RAB11FIP5: variants seen among roughly 807,000 people sequenced by gnomAD.
The protein encoded by RAB11FIP5 is RAB11 family interacting protein 5, also known as rab11 family-interacting protein 5.
Under a neutral mutation model 85.1 loss-of-function variants are expected in RAB11FIP5, and 48 were observed. The ratio of observed to expected loss-of-function variants is 0.56; its 90% CI spans 0.45 to 0.72. The LOEUF is 0.72. Among genes scored for constraint, RAB11FIP5 ranks in the 30% least tolerant of loss-of-function variants. The pLI is 0.00. For missense variants in RAB11FIP5, 1,491 were observed against 1,687.0 expected, an observed-to-expected ratio of 0.88 and a Z score of 2.04; for synonymous variants, 729 against 727.3, an observed-to-expected ratio of 1.00 and a Z score of -0.04.
chr2:73,075,926 C>G lies in RAB11FIP5; in HGVS notation c.3771+67G>C. The G allele has an allele frequency of 6.4e-7, 1 of 1,552,434 alleles. No homozygotes were observed. On this transcript the variant is annotated intron_variant, in intron 5 of 5. Coordinates refer to ENST00000486777, the MANE Select transcript of RAB11FIP5 (RefSeq NM_001371272.1). This position sits in a 1 kb window ranked among gnomAD's most constrained non-coding sequence, Gnocchi z 4.6. Reference sequence around the variant, plus strand: ...GGCCTGCTCCCTGCCCCACCCTCACCAGGACCAAGCCCTGAGACTCCACCA... The same window carrying G: ...GGCCTGCTCCCTGCCCCACCCTCACGAGGACCAAGCCCTGAGACTCCACCA...
Position 73,080,081 on chromosome 2 carries a change from G to A in RAB11FIP5, c.3151C>T (p.Gln1051Ter). ...TTGGAGACCCACACATCAGCCTGCTGGGAGGTGGCTGACAAGGACCCAAGC... is the reference window on the plus strand; with the variant it reads ...TTGGAGACCCACACATCAGCCTGCTAGGAGGTGGCTGACAAGGACCCAAGC... ...EGLGSLSATS[Q>*]QADVWVSKED... Residue 1051 changes from glutamine to a stop codon, truncating the protein, a stop_gained, in exon 4 of 6, where the codon CAG becomes TAG. Coordinates refer to ENST00000486777, the MANE Select transcript of RAB11FIP5 (RefSeq NM_001371272.1). LOFTEE classifies it high-confidence loss of function. 1 of 1,232,238 alleles carries A rather than the reference G, an allele frequency of 8.1e-7. No homozygotes were observed. The highest frequency in any genetic ancestry group is 1.0e-6 in the Non-Finnish European group (1 of 988,028). 76.3% of individuals were successfully genotyped at this position (1,232,238 alleles called of 1,614,324 possible).
rs188354645 is a variant in RAB11FIP5 at position 73,083,417 on chromosome 2, G to A, written c.1569-1754C>T. The stretch of plus-strand genomic sequence containing the variant: ...CAGGTCCCAAACCCAGGGATTTCTC[G>A]TAAGAATCAGTTTCCCGAGAGTCTC... On this transcript the variant is annotated intron_variant, in intron 3 of 5. Transcript: ENST00000486777. 2.7e-3 allele frequency among the ~76,000 whole-genome samples: 405 copies of A among 152,272 alleles called. 4 individuals are homozygous for A. The highest frequency in any genetic ancestry group is 2.4e-3 in the African/African-American group (101 of 41,548).
At chr2:73,095,958 G>A (rs560776394) in intron 1 of RAB11FIP5, among the ~76,000 whole-genome samples, 268 of 152,268 alleles carry the variant, frequency 1.8e-3, no homozygotes, top group African/African-American at 6.4e-3. Flanking sequence ...AACCTTGTCC[G>A]AGAGCAGCCC....
At chr2:73,106,122 T>C (rs1203342841) in intron 1 of RAB11FIP5, among the ~76,000 whole-genome samples, 1 of 152,192 alleles carries the variant, frequency 6.6e-6, no homozygotes, top group Non-Finnish European at 1.5e-5. Context: ...CCTCAGCTGT[T>C]AAACAGCACC....
chr2:73,112,752 G>A lies in RAB11FIP5; in HGVS notation c.26C>T (p.Pro9Leu), dbSNP rs1412122924. 6.8e-6 allele frequency: 10 copies of A among 1,474,068 alleles called. No homozygotes were observed. The highest frequency in any genetic ancestry group is 2.1e-4 in the Middle Eastern group (1 of 4,840). 91.3% of individuals were successfully genotyped at this position (1,474,068 alleles called of 1,614,324 possible). A position where few individuals can be genotyped will look rare whatever the true frequency, so the allele number is the denominator to read the frequency against. The change falls in exon 1 of 6, where the codon CCG becomes CTG. Residue 9 changes from proline (P) to leucine (L), a missense_variant. By Grantham distance (98) the Pro-to-Leu change is moderately conservative. Transcript: ENST00000486777. The stretch of plus-strand genomic sequence containing the variant: ...CAGCCAGCGGGAAGGCCCCGCCGCC[G>A]GCTCCGCGCCCCGCACCAGGGCCAT... MALVRGAEPAAGPSRWLPT... is the reference protein window; with the variant it reads MALVRGAELAAGPSRWLPT...
chr2:73,087,903 G>A, intron 3 of RAB11FIP5, 147 bp downstream of exon 3: 1 of 766,836 alleles, frequency 1.3e-6, no homozygotes, highest in South Asian at 1.8e-5. Flanking sequence ...TTGGCTTAGG[G>A]AGACACCCCA....
At chr2:73,095,078 C>A (rs1285589622) in intron 1 of RAB11FIP5, among the ~76,000 whole-genome samples, 2 of 152,130 alleles carry the variant, frequency 1.3e-5, no homozygotes. Flanking sequence ...TCCTTCACTG[C>A]AGGAACTAAG....
chr2:73,075,374 G>T lies in RAB11FIP5; in HGVS notation c.*147C>A. On this transcript the variant is annotated 3_prime_UTR_variant, in exon 6 of 6. Coordinates refer to ENST00000486777, the MANE Select transcript of RAB11FIP5 (RefSeq NM_001371272.1). This position sits in a 1 kb window ranked among gnomAD's most constrained non-coding sequence, Gnocchi z 4.6. ...AGGGAATCCAGAGGGCCCCCTTCCA[G>T]CAGCCCCAGTTGAGGCAGGAGGGAG... 1 of 849,702 alleles carries T rather than the reference G, an allele frequency of 1.2e-6. No individual in the cohort carries two copies. The highest frequency in any genetic ancestry group is 2.0e-6 in the Non-Finnish European group (1 of 504,890). 52.6% of individuals were successfully genotyped at this position (849,702 alleles called of 1,614,324 possible). A position where few individuals can be genotyped will look rare whatever the true frequency, so the allele number is the denominator to read the frequency against.
At chr2:73,076,886 C>G (rs1683874545) in intron 4 of RAB11FIP5, among the ~76,000 whole-genome samples, 1 of 152,214 alleles carries the variant, frequency 6.6e-6, no homozygotes, top group African/African-American at 2.4e-5. Context: ...ACCGGCCCAC[C>G]ACAAGTGGAC....
In RAB11FIP5 at chr2:73,088,191, T is replaced by A. The variant is rs1314170180; in HGVS notation, c.1427A>T (p.Glu476Val). 3 of 1,613,938 alleles carry A rather than the reference T, an allele frequency of 1.9e-6. No homozygotes were observed. Among genetic ancestry groups the A allele is most frequent in the Non-Finnish European group, 2.5e-6 (3 of 1,180,010 alleles). ...HHHHQGLSRS[E>V]LGRRSSLGEK... is the part of the protein sequence containing the mutation. ...CCCCAGAGAGCTTCGGCGACCCAAC[T>A]CGCTCCGACTTAGGCCTTGGTGGTG... is the stretch of plus-strand genomic sequence containing the variant. Residue 476 changes from glutamate to valine, a missense_variant, in exon 3 of 6, where the codon GAG becomes GTG. Coordinates refer to ENST00000486777, the MANE Select transcript of RAB11FIP5 (RefSeq NM_001371272.1).
Position 73,075,249 on chromosome 2 carries a change from C to T in RAB11FIP5, c.*272G>A. The T allele has an allele frequency of 1.5e-6, 1 of 688,326 alleles. No individual in the cohort carries two copies. Among genetic ancestry groups the T allele is most frequent in the Non-Finnish European group, 2.7e-6 (1 of 376,156 alleles). The allele number at this position is 688,326 out of a possible 1,614,324, so 42.6% of individuals were successfully genotyped here. On this transcript the variant is annotated 3_prime_UTR_variant, in exon 6 of 6. Coordinates refer to ENST00000486777, the MANE Select transcript of RAB11FIP5 (RefSeq NM_001371272.1). The surrounding 1 kb of genome is among the most constrained non-coding windows in gnomAD (Gnocchi z 4.6). Reference sequence around the variant, plus strand: ...TGTCTTGGGGGAAGAGTTCCAATTCCCTGGGGCCCCCAAAGCTGAGGGATA... The same window carrying T: ...TGTCTTGGGGGAAGAGTTCCAATTCTCTGGGGCCCCCAAAGCTGAGGGATA...
chr2:73,099,660 A>G (rs1173196566), intron 1 of RAB11FIP5, among the ~76,000 whole-genome samples: 4 of 152,226 alleles, frequency 2.6e-5, no homozygotes, highest in Non-Finnish European at 2.9e-5. Context: ...CATGCTGATG[A>G]AAGGTGACTC....
At chr2:73,090,443 C>A (rs1684186840) in intron 1 of RAB11FIP5, among the ~76,000 whole-genome samples, 1 of 152,242 alleles carries the variant, frequency 6.6e-6, no homozygotes, top group Non-Finnish European at 1.5e-5. Flanking sequence ...AAACACCCTG[C>A]ACACAAATGT....
Position 73,075,425 on chromosome 2 carries a change from C to T in RAB11FIP5, c.*96G>A, listed in dbSNP as rs748479129. ...AGGAGCAAGGAGTGACAAGGCAAGA[C>T]AGACGATGCCCCACTGCAGATGAGA... On this transcript the variant is annotated 3_prime_UTR_variant, in exon 6 of 6. Transcript: ENST00000486777. The surrounding 1 kb of genome is among the most constrained non-coding windows in gnomAD (Gnocchi z 4.6). The T allele has an allele frequency of 1.6e-6, 2 of 1,261,788 alleles. No individual in the cohort carries two copies. Among genetic ancestry groups the T allele is most frequent in the Non-Finnish European group, 2.3e-6 (2 of 859,974 alleles). 78.2% of individuals were successfully genotyped at this position (1,261,788 alleles called of 1,614,324 possible). A position where few individuals can be genotyped will look rare whatever the true frequency, so the allele number is the denominator to read the frequency against.
intron 1 of RAB11FIP5, among the ~76,000 whole-genome samples, chr2:73,098,797 C>A (rs1490024213): frequency 2.0e-5 from 3 of 152,160 alleles, no homozygotes; most frequent in African/African-American, 7.2e-5. Context: ...TAATCTCTAA[C>A]AAAATTTAGC....
chr2:73,112,553 G>A lies in RAB11FIP5; in HGVS notation c.225C>T (p.Phe75=), dbSNP rs753569888. The A allele has an allele frequency of 6.4e-7, 1 of 1,559,174 alleles. No individual in the cohort carries two copies. The highest frequency in any genetic ancestry group is 1.2e-5 in the South Asian group (1 of 84,274). ...CATCCAGGGCCCCCGGCGGCAGCTC[G>A]AAGGAGCACTCCTCACGCCACTCGG... ...GCPEWREECS[F]ELPPGALDGL... The change falls in exon 1 of 6, where the codon TTC becomes TTT. Residue 75 remains phenylalanine (F), a synonymous_variant. Coordinates refer to ENST00000486777, the MANE Select transcript of RAB11FIP5 (RefSeq NM_001371272.1).
In RAB11FIP5 at chr2:73,089,303, C is replaced by A. The variant is rs771692717; in HGVS notation, c.444G>T (p.Leu148=). 1.9e-6 allele frequency: 3 copies of A among 1,613,496 alleles called. No homozygotes were observed. The highest frequency in any genetic ancestry group is 2.5e-6 in the Non-Finnish European group (3 of 1,179,992). ...GRAQHTQWYK[L]HSKPGKKEKE... ...TCTCCTTCTTGCCTGGCTTGGAGTGCAGCTTGTACCACCTGTGAGAAGAGG... is the reference window on the plus strand; with the variant it reads ...TCTCCTTCTTGCCTGGCTTGGAGTGAAGCTTGTACCACCTGTGAGAAGAGG... Residue 148 remains leucine, a synonymous_variant, in exon 2 of 6, where the codon CTG becomes CTT. Transcript: ENST00000486777. This position sits in a 1 kb window ranked among gnomAD's most constrained non-coding sequence, Gnocchi z 4.6.
At chr2:73,109,574 G>C (rs988245793) in intron 1 of RAB11FIP5, among the ~76,000 whole-genome samples, 7 of 152,282 alleles carry the variant, frequency 4.6e-5, no homozygotes, top group African/African-American at 1.7e-4. Context: ...TTCCCAACAG[G>C]GCAGGGGCAG....
At chr2:73,093,198 A>T (rs917210415) in intron 1 of RAB11FIP5, among the ~76,000 whole-genome samples, 1 of 152,166 alleles carries the variant, frequency 6.6e-6, no homozygotes, top group African/African-American at 2.4e-5. Flanking sequence ...TCATCCCTAG[A>T]GACTGAAGCC....
Sources: gnomAD v4.1 joint callset for allele counts (sites outside exome capture counted in the v4.1 genomes callset) on GRCh38, gnomAD v4.1.1 for gene constraint, Gnocchi (gnomAD v3.1) non-coding constraint, MANE v1.5 for transcripts, NCBI Gene and HGNC (gene_info 2026-07-23, HGNC 2026-07-21) for gene names.